The following L3MBTL4 variants were observed in gnomAD, a reference collection of about 807,000 sequenced individuals.
L3MBTL4 encodes L3MBTL histone methyl-lysine binding protein 4, also known as lethal(3)malignant brain tumor-like protein 4.
A neutral mutation model predicts 84.5 loss-of-function variants in L3MBTL4; 70 were observed. The ratio of observed to expected loss-of-function variants is 0.83; its 90% CI spans 0.68 to 1.01. The LOEUF (loss-of-function observed/expected upper bound fraction) is 1.01, where lower values mean the gene tolerates loss of function less well. L3MBTL4 is among the 50% of genes least tolerant of loss of function. The pLI, the probability that L3MBTL4 is intolerant of heterozygous loss-of-function variation, is 0.00. For synonymous variants in L3MBTL4, 274 were observed against 259.8 expected (o/e 1.05, Z -0.52); for missense variants, 715 against 754.8 (o/e 0.95, Z 0.62).
chr18:6,144,144 T>G (rs9965920), intron 13 of L3MBTL4, among the ~76,000 whole-genome samples: 1 of 132,118 alleles, frequency 7.6e-6, no homozygotes, highest in Non-Finnish European at 1.5e-5. Flanking sequence ...TGCAGTGAGC[T>G]GAGATCACAC....
chr18:5,979,378 G>A (rs2053106440), intron 16 of L3MBTL4, among the ~76,000 whole-genome samples: 1 of 152,168 alleles, frequency 6.6e-6, no homozygotes, highest in African/African-American at 2.4e-5. Flanking sequence ...TCATCCAGGA[G>A]TGTACAATCA....
intron 16 of L3MBTL4, chr18:6,030,316 C>T (rs2055727235): frequency 1.0e-6 from 1 of 985,030 alleles, no homozygotes. Flanking sequence ...GCTTTTAAGC[C>T]TTCTCAAAAT....
Position 6,087,460 on chromosome 18 carries a change from G to C in L3MBTL4, c.1373+5895C>G, listed in dbSNP as rs78678298. Among the ~76,000 whole-genome samples, 429 of 152,232 alleles carry C rather than the reference G, an allele frequency of 2.8e-3. 5 individuals are homozygous for C. Among genetic ancestry groups the C allele is most frequent in the East Asian group, 1.9e-3 (10 of 5,166 alleles). ...GTCCTTTCCCTCCGTAGAGCTCCTA[G>C]GTTGTCATGCCTGGCTAGTGGCTCC... On this transcript the variant is annotated intron_variant, in intron 15 of 18. Coordinates refer to ENST00000317931, the MANE Select transcript of L3MBTL4 (RefSeq NM_001330559.2).
In L3MBTL4 at chr18:6,213,205, T is replaced by G. The variant is rs1363915075; in HGVS notation, c.925A>C (p.Asn309His). Residue 309 changes from asparagine to histidine, a missense_variant, in exon 12 of 19, where the codon AAC becomes CAC. By Grantham distance (68) the Asn-to-His change is moderately conservative. Coordinates refer to ENST00000317931, the MANE Select transcript of L3MBTL4 (RefSeq NM_001330559.2). ...NMKLEVVDKR[N>H]PRLIRVATIV... ...GTAGCAACACGAATTAACCTGGGGT[T>G]CCGTTTATCCACAACTTCAAGTTTC... The G allele has an allele frequency of 1.2e-6, 2 of 1,611,682 alleles. No homozygotes were observed. The highest frequency in any genetic ancestry group is 1.7e-6 in the Non-Finnish European group (2 of 1,179,232).
chr18:6,093,609 A>G, intron 14 of L3MBTL4, 81 bp from the exon 15 acceptor site: 1 of 1,146,034 alleles, frequency 8.7e-7, no homozygotes, highest in Non-Finnish European at 1.2e-6. Flanking sequence ...GCAGACTTAC[A>G]CCTAATATTT....
chr18:6,177,867 G>A (rs75826169), intron 12 of L3MBTL4, among the ~76,000 whole-genome samples: 7,427 of 152,254 alleles, frequency 0.049, 628 homozygotes, highest in African/African-American at 0.17. Flanking sequence ...ATATAATGGA[G>A]TGAAGAAGAA....
In L3MBTL4 at chr18:6,153,592, T is replaced by C. The variant is rs564805082; in HGVS notation, c.1097-15296A>G. 3.3e-5 allele frequency among the ~76,000 whole-genome samples: 5 copies of C among 152,312 alleles called. No homozygotes were observed. In the South Asian group the frequency reaches 1.0e-3, roughly 32 times the overall value. ...TTATTTATTAAGTCTAAGAGTTTCTTTGTAGACTCTTTAGGGATTTTGATA... is the reference window on the plus strand; with the variant it reads ...TTATTTATTAAGTCTAAGAGTTTCTCTGTAGACTCTTTAGGGATTTTGATA... On this transcript the variant is annotated intron_variant, in intron 13 of 18. Coordinates refer to ENST00000317931, the MANE Select transcript of L3MBTL4 (RefSeq NM_001330559.2).
intron 14 of L3MBTL4, among the ~76,000 whole-genome samples, chr18:6,129,930 G>C (rs1009785030): frequency 3.9e-5 from 6 of 152,014 alleles, no homozygotes; most frequent in African/African-American, 1.4e-4. Context: ...ATATTCTTAT[G>C]TCTGTTTTGC....
intron 3 of L3MBTL4, among the ~76,000 whole-genome samples, chr18:6,304,199 G>T (rs2050478948): frequency 6.6e-6 from 1 of 151,720 alleles, no homozygotes. Context: ...CAAGTCTATG[G>T]TTTTAAGGTA....
chr18:6,220,938 T>C (rs2046525185), intron 10 of L3MBTL4, among the ~76,000 whole-genome samples: 1 of 152,174 alleles, frequency 6.6e-6, no homozygotes. Context: ...TACTGGCTAA[T>C]GTTCCAACAG....
intron 16 of L3MBTL4, among the ~76,000 whole-genome samples, chr18:5,970,096 G>A (rs2052566570): frequency 6.6e-6 from 1 of 152,238 alleles, no homozygotes. Context: ...GGGTCCCCAT[G>A]AGAAGCTGGG....
At chr18:6,164,151 A>C (rs1384617914) in intron 13 of L3MBTL4, among the ~76,000 whole-genome samples, 3 of 152,222 alleles carry the variant, frequency 2.0e-5, no homozygotes, top group Non-Finnish European at 2.9e-5. Flanking sequence ...CCACCATTGC[A>C]GAGGCTTGAG....
intron 15 of L3MBTL4, among the ~76,000 whole-genome samples, chr18:6,081,986 C>T (rs1598682016): frequency 6.6e-6 from 1 of 152,202 alleles, no homozygotes; most frequent in Middle Eastern, 3.4e-3. Flanking sequence ...GCATACTAAC[C>T]ACATGTACTT....
At chr18:5,997,598 G>A (rs2054032613) in intron 16 of L3MBTL4, among the ~76,000 whole-genome samples, 1 of 152,164 alleles carries the variant, frequency 6.6e-6, no homozygotes, top group South Asian at 2.1e-4. Context: ...TTATCTAGCT[G>A]GAAGCCCCCT....
chr18:6,182,041 C>T (rs188840585), intron 12 of L3MBTL4, among the ~76,000 whole-genome samples: 1 of 152,272 alleles, frequency 6.6e-6, no homozygotes, highest in Admixed American at 6.5e-5. Flanking sequence ...GGTTGAATGG[C>T]AATTCTGCTT....
At chr18:6,003,876 AATG>A (rs1037563723) in intron 16 of L3MBTL4, among the ~76,000 whole-genome samples, 3 of 152,148 alleles carry the variant, frequency 2.0e-5, no homozygotes, top group Non-Finnish European at 4.4e-5. Flanking sequence ...AAGCATAAAC[AATG>A]ATAAGAGGCA....
At chr18:5,978,728 C>T (rs754265448) in intron 16 of L3MBTL4, among the ~76,000 whole-genome samples, 18 of 152,116 alleles carry the variant, frequency 1.2e-4, no homozygotes, top group Admixed American at 7.2e-4. Flanking sequence ...TGCCTGAGGA[C>T]GTGGTTTAAT....
chr18:6,274,345 T>C (rs935302464), intron 4 of L3MBTL4, among the ~76,000 whole-genome samples: 1 of 152,204 alleles, frequency 6.6e-6, no homozygotes, highest in African/African-American at 2.4e-5. Flanking sequence ...TAAGAACTAT[T>C]GCTCCCTATG....
At chr18:6,004,569 G>A (rs1207622897) in intron 16 of L3MBTL4, among the ~76,000 whole-genome samples, 1 of 152,198 alleles carries the variant, frequency 6.6e-6, no homozygotes. Flanking sequence ...TCTCTTCACA[G>A]ATGACATGAT....
Sources: allele counts gnomAD v4.1 joint callset (sites outside exome capture counted in the v4.1 genomes callset), GRCh38; gene constraint gnomAD v4.1.1; transcripts MANE v1.5; gene names NCBI Gene and HGNC (gene_info 2026-07-23, HGNC 2026-07-21).